Variants in MMP16 observed in about 807,000 individuals in gnomAD.
The protein encoded by MMP16 is matrix metalloproteinase-16.
A neutral mutation model predicts 67.8 loss-of-function variants in MMP16; 12 were observed. The observed-to-expected ratio is 0.18, with a 90% CI of 0.11 to 0.29. The LOEUF (loss-of-function observed/expected upper bound fraction) is 0.29, where lower values mean the gene tolerates loss of function less well. Among genes scored for constraint, MMP16 ranks in the 10% least tolerant of loss-of-function variants. MMP16 has a pLI of 1.00. For missense variants in MMP16, 475 were observed against 765.7 expected (o/e 0.62, Z 4.48); for synonymous variants, 249 against 255.9 (o/e 0.97, Z 0.26).
At chr8:88,315,567 C>T (rs1811363929) in intron 1 of MMP16, among the ~76,000 whole-genome samples, 1 of 152,148 alleles carries the variant, frequency 6.6e-6, no homozygotes, top group Admixed American at 6.6e-5. Context: ...CAGAGTACCA[C>T]AAACTCTGCC....
At chr8:88,103,286 C>A (rs545224993) in intron 6 of MMP16, among the ~76,000 whole-genome samples, 1 of 151,932 alleles carries the variant, frequency 6.6e-6, no homozygotes, top group South Asian at 2.1e-4. Flanking sequence ...CATAACAATG[C>A]ATTGTGATGA....
chr8:88,166,044 AT>A (rs1334722302), intron 4 of MMP16, among the ~76,000 whole-genome samples: 3 of 152,020 alleles, frequency 2.0e-5, no homozygotes, highest in Non-Finnish European at 4.4e-5. Context: ...TATTTATTAT[AT>A]TTTTTCTTTG....
chr8:88,168,526 A>T (rs1363633338), intron 3 of MMP16, among the ~76,000 whole-genome samples: 1 of 152,192 alleles, frequency 6.6e-6, no homozygotes. Flanking sequence ...TTAAAAATGT[A>T]TTGTGAGTAA....
chr8:88,312,435 T>C (rs1011762557), intron 1 of MMP16, among the ~76,000 whole-genome samples: 3 of 152,202 alleles, frequency 2.0e-5, no homozygotes, highest in African/African-American at 7.2e-5. Flanking sequence ...GGATTATATA[T>C]TCAATATGCA....
intron 1 of MMP16, among the ~76,000 whole-genome samples, chr8:88,298,459 C>G (rs532691965): frequency 6.6e-6 from 1 of 152,244 alleles, no homozygotes; most frequent in East Asian, 1.9e-4. Flanking sequence ...AGATAGCAAT[C>G]CTTCAGGAAA....
chr8:88,122,045 G>T (rs1475639126), intron 4 of MMP16, among the ~76,000 whole-genome samples: 2 of 151,910 alleles, frequency 1.3e-5, no homozygotes, highest in Non-Finnish European at 2.9e-5. Flanking sequence ...CAAAACTTTG[G>T]CTCTTCCATT....
At chr8:88,086,316 T>C (rs1012449286) in intron 6 of MMP16, among the ~76,000 whole-genome samples, 3 of 151,922 alleles carry the variant, frequency 2.0e-5, no homozygotes, top group African/African-American at 7.3e-5. Context: ...GCACCACACA[T>C]TACTGCTGTA....
intron 4 of MMP16, among the ~76,000 whole-genome samples, chr8:88,138,253 A>G (rs570544687): frequency 3.5e-4 from 53 of 152,040 alleles, no homozygotes; most frequent in African/African-American, 1.1e-3. Flanking sequence ...CCTGTGTCCT[A>G]TTGGAGACTG....
chr8:88,159,571 T>C (rs946863164), intron 4 of MMP16, among the ~76,000 whole-genome samples: 1 of 152,002 alleles, frequency 6.6e-6, no homozygotes, highest in Non-Finnish European at 1.5e-5. Flanking sequence ...ATCATGTCAT[T>C]TGCAAACAGG....
intron 4 of MMP16, among the ~76,000 whole-genome samples, chr8:88,158,543 T>A (rs1456038383): frequency 4.6e-5 from 7 of 152,234 alleles, no homozygotes; most frequent in African/African-American, 1.7e-4. Flanking sequence ...TTGTTTGAGT[T>A]CATTGTAGAT....
intron 6 of MMP16, among the ~76,000 whole-genome samples, chr8:88,103,459 T>TA (rs1300251088): frequency 2.6e-5 from 4 of 151,826 alleles, no homozygotes; most frequent in Non-Finnish European, 5.9e-5. Flanking sequence ...ACAGTAGTTA[T>TA]AAGCTTCCTG....
chr8:88,287,589 C>T (rs1810852777), intron 1 of MMP16, among the ~76,000 whole-genome samples: 1 of 152,102 alleles, frequency 6.6e-6, no homozygotes, highest in South Asian at 2.1e-4. Context: ...CCTAATATAT[C>T]TGGAATATAG....
chr8:88,280,265 G>C (rs1262029997), intron 1 of MMP16, among the ~76,000 whole-genome samples: 5 of 152,138 alleles, frequency 3.3e-5, no homozygotes, highest in African/African-American at 4.8e-5. Flanking sequence ...CTTACTTCTT[G>C]CAAGCTTTTT....
intron 1 of MMP16, among the ~76,000 whole-genome samples, chr8:88,245,679 C>T (rs1477967242): frequency 3.9e-5 from 6 of 152,132 alleles, no homozygotes; most frequent in South Asian, 2.1e-4. Flanking sequence ...TTTGGCATCA[C>T]TACAGGCCCA....
intron 6 of MMP16, among the ~76,000 whole-genome samples, chr8:88,102,450 T>C (rs898603613): frequency 4.8e-4 from 73 of 151,934 alleles, no homozygotes; most frequent in African/African-American, 1.6e-3. Context: ...ATTTCCTCCC[T>C]GGGCATGCCA....
intron 1 of MMP16, among the ~76,000 whole-genome samples, chr8:88,237,680 AC>A (rs370024088): frequency 9.8e-3 from 114 of 11,688 alleles, no homozygotes; most frequent in Non-Finnish European, 0.028. Flanking sequence ...AACAACAACA[AC>A]AAAAAACAAC....
intron 4 of MMP16, among the ~76,000 whole-genome samples, chr8:88,132,456 G>A (rs1212736598): frequency 6.6e-6 from 1 of 151,852 alleles, no homozygotes; most frequent in East Asian, 1.9e-4. Flanking sequence ...GTTGGCTGGA[G>A]CTGTCAAAAG....
At chr8:88,219,916 T>C (rs1223846564) in intron 1 of MMP16, among the ~76,000 whole-genome samples, 1 of 149,482 alleles carries the variant, frequency 6.7e-6, no homozygotes, top group Non-Finnish European at 1.5e-5. Context: ...TTTTTAAATT[T>C]CTTCTTATGA....
At chr8:88,171,625 AG>A (rs1260017593) in intron 3 of MMP16, among the ~76,000 whole-genome samples, 1 of 152,314 alleles carries the variant, frequency 6.6e-6, no homozygotes, top group Admixed American at 6.5e-5. Context: ...ATTAAAAAAT[AG>A]GAAAAAACAT....
Sources: gnomAD v4.1 joint callset for allele counts (sites outside exome capture counted in the v4.1 genomes callset) on GRCh38, gnomAD v4.1.1 for gene constraint, MANE v1.5 for transcripts, NCBI Gene and HGNC (gene_info 2026-07-23, HGNC 2026-07-21) for gene names.